RABGAP1: variants seen among roughly 807,000 people sequenced by gnomAD.
RABGAP1 encodes the protein RAB GTPase activating protein 1.
RABGAP1 carries 23 observed loss-of-function variants against 137.6 expected under a neutral mutation model. The observed-to-expected ratio is 0.17, with a 90% CI of 0.12 to 0.24. The LOEUF (loss-of-function observed/expected upper bound fraction) is 0.24, where lower values mean the gene tolerates loss of function less well. Among genes scored for constraint, RABGAP1 ranks in the 10% least tolerant of loss-of-function variants. The pLI is 1.00. For missense variants in RABGAP1, 906 were observed against 1,275.8 expected (o/e 0.71, Z 4.42); for synonymous variants, 451 against 450.7 (o/e 1.00, Z -0.01).
Position 122,984,572 on chromosome 9 carries a change from A to G in RABGAP1, c.238A>G (p.Lys80Glu), listed in dbSNP as rs1172613146. The change falls in exon 3 of 26, where the codon AAG becomes GAG. Residue 80 changes from lysine (K) to glutamate (E), a missense_variant. Coordinates refer to ENST00000373647, the MANE Select transcript of RABGAP1 (RefSeq NM_012197.4). ...TCCAATGGACGACCAGCCAGGGGAA[A>G]AGGAGCTTGTGAAAAGGTCACAACT... The part of the protein sequence containing the change: ...DPPMDDQPGE[K>E]ELVKRSQLDG... 1 of 1,614,192 alleles carries G rather than the reference A, an allele frequency of 6.2e-7. No homozygotes were observed. The highest frequency in any genetic ancestry group is 8.5e-7 in the Non-Finnish European group (1 of 1,180,016).
intron 13 of RABGAP1, among the ~76,000 whole-genome samples, chr9:123,058,405 C>T (rs1030532239): frequency 1.4e-4 from 21 of 152,038 alleles, no homozygotes; most frequent in African/African-American, 4.8e-4. Flanking sequence ...CATATGCGAA[C>T]CAAATATTAG....
intron 2 of RABGAP1, among the ~76,000 whole-genome samples, chr9:122,973,391 C>T (rs771318650): frequency 3.9e-5 from 6 of 152,098 alleles, no homozygotes; most frequent in Non-Finnish European, 7.4e-5. Context: ...CGCCCACCAC[C>T]ATGCCCGGCT....
intron 21 of RABGAP1, among the ~76,000 whole-genome samples, chr9:123,097,069 G>T (rs2035207225): frequency 6.6e-6 from 1 of 152,128 alleles, no homozygotes; most frequent in African/African-American, 2.4e-5. Flanking sequence ...CTCTAATATG[G>T]TATAGTCAGT....
chr9:123,067,626 C>T (rs1364691555), intron 14 of RABGAP1, among the ~76,000 whole-genome samples: 2 of 152,120 alleles, frequency 1.3e-5, no homozygotes, highest in African/African-American at 2.4e-5. Flanking sequence ...TGTCTAACTT[C>T]CCCACTGAAC....
intron 23 of RABGAP1, 88 bp downstream of exon 23, chr9:123,098,886 CAAA>C: frequency 1.5e-6 from 1 of 669,696 alleles, no homozygotes; most frequent in Non-Finnish European, 2.4e-6. Flanking sequence ...CCCCCAAACC[CAAA>C]TGCAAGCACC....
At chr9:123,052,499 C>A (rs985559276) in intron 13 of RABGAP1, among the ~76,000 whole-genome samples, 2 of 152,192 alleles carry the variant, frequency 1.3e-5, no homozygotes, top group Non-Finnish European at 2.9e-5. Flanking sequence ...TATCGGGTGC[C>A]TACTTTGTGT....
intron 2 of RABGAP1, among the ~76,000 whole-genome samples, chr9:122,976,011 A>G (rs1187040407): frequency 6.6e-6 from 1 of 152,240 alleles, no homozygotes; most frequent in African/African-American, 2.4e-5. Context: ...AGTGAGAGCC[A>G]TTCAGATAAT....
At chr9:122,964,941 C>T (rs541026417) in intron 2 of RABGAP1, among the ~76,000 whole-genome samples, 1 of 152,104 alleles carries the variant, frequency 6.6e-6, no homozygotes, top group African/African-American at 2.4e-5. Context: ...GGCTGCAGTG[C>T]GTTGTGATCA....
At chr9:123,086,105 G>A (rs1213192072) in intron 19 of RABGAP1, among the ~76,000 whole-genome samples, 1 of 152,170 alleles carries the variant, frequency 6.6e-6, no homozygotes, top group Admixed American at 6.5e-5. Context: ...TTGACTTGAT[G>A]CTATGAGAAT....
At position 123,099,448 on chromosome 9, in the gene RABGAP1, G is replaced by A. The variant is rs774468041; in HGVS notation, c.2818-30G>A. On this transcript the variant is annotated intron_variant, in intron 23 of 25. Coordinates refer to ENST00000373647, the MANE Select transcript of RABGAP1 (RefSeq NM_012197.4). ...TATGCAGATGATTACAATTGCTCAA[G>A]AGATTGTTGTTTTATATTTGTTTCT... 9 of 1,565,308 alleles carry A rather than the reference G, an allele frequency of 5.7e-6. No homozygotes were observed. The South Asian group carries it at 1.0e-4, about 17-fold the overall frequency.
At chr9:123,069,107 ATGAAGAATG>A (rs1003408156) in intron 14 of RABGAP1, among the ~76,000 whole-genome samples, 5 of 152,242 alleles carry the variant, frequency 3.3e-5, no homozygotes, top group Non-Finnish European at 7.3e-5. Context: ...AGAGTAAACC[ATGAAGAATG>A]TTAGATGTCA....
At chr9:123,100,383 ATGTGTGTGTGTG>A (rs56811028) in intron 24 of RABGAP1, among the ~76,000 whole-genome samples, 7,305 of 136,468 alleles carry the variant, frequency 0.054, 244 homozygotes, top group Middle Eastern at 0.097. Flanking sequence ...GTTTAACCAG[ATGTGTGTGTGTG>A]TGTGTGTGTG....
intron 13 of RABGAP1, chr9:123,062,832 A>G (rs901708293): frequency 1.3e-5 from 2 of 152,042 alleles, no homozygotes; most frequent in African/African-American, 4.8e-5. Flanking sequence ...TGTGTCGCCC[A>G]GGCTGGAGTG....
chr9:123,092,834 A>G (rs982142882), intron 21 of RABGAP1, among the ~76,000 whole-genome samples: 1 of 152,192 alleles, frequency 6.6e-6, no homozygotes, highest in Non-Finnish European at 1.5e-5. Flanking sequence ...TCCCACACAG[A>G]TCACCCAGCT....
intron 2 of RABGAP1, among the ~76,000 whole-genome samples, chr9:122,983,225 G>C (rs1836181730): frequency 6.6e-6 from 1 of 151,602 alleles, no homozygotes; most frequent in Non-Finnish European, 1.5e-5. Context: ...AAATTCAGTT[G>C]CACTTGTGTA....
At position 122,941,086 on chromosome 9, in the gene RABGAP1, C is replaced by G. The variant is rs1365512567; in HGVS notation, c.-57C>G. On this transcript the variant is annotated 5_prime_UTR_variant, in exon 1 of 26. Transcript: ENST00000373647. ...CGGCGGGCGGCGGAGGAGGAGACGG[C>G]AGGTCGGGTAGGGCCGTGTTTCCCC... 6.5e-6 allele frequency: 1 copy of G among 153,086 alleles called. No individual in the cohort carries two copies. Among genetic ancestry groups the G allele is most frequent in the Non-Finnish European group, 1.5e-5 (1 of 68,808 alleles). The allele number at this position is 153,086 out of a possible 1,614,324, so 9.5% of individuals were successfully genotyped here.
chr9:123,062,255 C>G (rs887634702), intron 13 of RABGAP1: 6 of 152,010 alleles, frequency 3.9e-5, no homozygotes, highest in African/African-American at 1.5e-4. Flanking sequence ...GCGACAAGAG[C>G]GAAACAAGAA....
chr9:123,045,043 GTTAC>G (rs1400596482), intron 13 of RABGAP1, among the ~76,000 whole-genome samples: 11 of 152,328 alleles, frequency 7.2e-5, no homozygotes, highest in African/African-American at 2.2e-4. Flanking sequence ...TATGATTGTA[GTTAC>G]TTAATGAAAG....
At chr9:123,052,176 A>G (rs1321531244) in intron 13 of RABGAP1, among the ~76,000 whole-genome samples, 1 of 152,180 alleles carries the variant, frequency 6.6e-6, no homozygotes, top group Non-Finnish European at 1.5e-5. Context: ...GAATATTTTC[A>G]CTTTTACAAT....
Sources: allele counts gnomAD v4.1 joint callset (sites outside exome capture counted in the v4.1 genomes callset), GRCh38; gene constraint gnomAD v4.1.1; transcripts MANE v1.5; gene names NCBI Gene and HGNC (gene_info 2026-07-23, HGNC 2026-07-21).